KIAA0825: variants seen among roughly 807,000 people sequenced by gnomAD.
KIAA0825 encodes the protein KIAA0825.
KIAA0825 carries 119 observed loss-of-function variants against 147.6 expected under a neutral mutation model. The observed-to-expected ratio is 0.81, with a 90% CI of 0.69 to 0.94. KIAA0825 has a LOEUF of 0.94. Among genes scored for constraint, KIAA0825 ranks in the 40% least tolerant of loss-of-function variants. The probability of loss-of-function intolerance (pLI) is 0.00; values close to 1 mark genes in which losing one functional copy is unlikely to be tolerated. For synonymous variants in KIAA0825, 470 were observed against 518.1 expected (o/e 0.91, Z 1.26); for missense variants, 1,381 against 1,472.7 (o/e 0.94, Z 1.02).
intron 5 of KIAA0825, among the ~76,000 whole-genome samples, chr5:94,492,986 A>G (rs1763907611): frequency 1.3e-5 from 2 of 152,172 alleles, no homozygotes; most frequent in Non-Finnish European, 2.9e-5. Flanking sequence ...TGTGCATGTG[A>G]TCATCATCTT....
intron 20 of KIAA0825, among the ~76,000 whole-genome samples, chr5:94,365,723 A>C (rs571816057): frequency 6.6e-6 from 1 of 152,328 alleles, no homozygotes; most frequent in African/African-American, 2.4e-5. Context: ...TTTAGCTTTG[A>C]AACAAAGATG....
At chr5:94,604,572 CA>C (rs1787132352) in intron 1 of KIAA0825, among the ~76,000 whole-genome samples, 1 of 151,910 alleles carries the variant, frequency 6.6e-6, no homozygotes, top group African/African-American at 2.4e-5. Context: ...AACAAACAAA[CA>C]AACAAACAAA....
chr5:94,229,219 A>T (rs1164599604), intron 20 of KIAA0825, among the ~76,000 whole-genome samples: 1 of 152,180 alleles, frequency 6.6e-6, no homozygotes, highest in East Asian at 1.9e-4. Flanking sequence ...ATAAGAGGTA[A>T]ATATTTTGAA....
At chr5:94,427,566 C>T (rs1226288037) in intron 14 of KIAA0825, among the ~76,000 whole-genome samples, 1 of 152,108 alleles carries the variant, frequency 6.6e-6, no homozygotes, top group African/African-American at 2.4e-5. Context: ...CTTTATGGTA[C>T]TTATTATTAG....
chr5:94,313,889 C>A (rs964779035), intron 20 of KIAA0825, among the ~76,000 whole-genome samples: 1 of 151,586 alleles, frequency 6.6e-6, no homozygotes, highest in African/African-American at 2.4e-5. Flanking sequence ...CATTTCCTGA[C>A]AGCGCATTAT....
chr5:94,533,954 C>G (rs1771451709), intron 3 of KIAA0825, among the ~76,000 whole-genome samples: 1 of 151,976 alleles, frequency 6.6e-6, no homozygotes, highest in Non-Finnish European at 1.5e-5. Context: ...TTTGGGGAGG[C>G]AATAGACCCT....
chr5:94,529,997 A>G (rs893828875), intron 3 of KIAA0825, among the ~76,000 whole-genome samples: 2 of 152,150 alleles, frequency 1.3e-5, no homozygotes, highest in African/African-American at 4.8e-5. Context: ...CTAGCTGGGC[A>G]TGGTGGCTCA....
In KIAA0825 at chr5:94,152,903, T is replaced by TATATATATATATATAA. The variant is rs1386044229; in HGVS notation, c.*1103_*1104insTTATATATATATATAT. ...ATATATATATATATATATATATATATGGTTTCTCCCAGACGTTCTTAGACT... is the reference window on the plus strand; with the variant it reads ...ATATATATATATATATATATATATATATATATATATATATAAGGTTTCTCCCAGACGTTCTTAGACT... On this transcript the variant is annotated 3_prime_UTR_variant, in exon 21 of 21. Transcript: ENST00000682413. 20 of 20,244 alleles carry TATATATATATATATAA rather than the reference T, an allele frequency of 9.9e-4. 4 individuals are homozygous for TATATATATATATATAA. Among genetic ancestry groups the TATATATATATATATAA allele is most frequent in the Non-Finnish European group, 1.9e-3 (20 of 10,786 alleles). 1.3% of individuals were successfully genotyped at this position (20,244 alleles called of 1,614,324 possible).
chr5:94,475,616 T>C (rs1416291406), intron 7 of KIAA0825, among the ~76,000 whole-genome samples: 1 of 152,166 alleles, frequency 6.6e-6, no homozygotes, highest in Non-Finnish European at 1.5e-5. Context: ...GAGACCAGCC[T>C]GGCCAACATG....
chr5:94,288,836 G>C (rs542895938), intron 20 of KIAA0825, among the ~76,000 whole-genome samples: 1 of 152,264 alleles, frequency 6.6e-6, no homozygotes, highest in East Asian at 1.9e-4. Context: ...TGTTCTGACA[G>C]CCACCAGAGA....
intron 20 of KIAA0825, among the ~76,000 whole-genome samples, chr5:94,237,659 C>T (rs2150098226): frequency 6.6e-6 from 1 of 152,258 alleles, no homozygotes; most frequent in East Asian, 1.9e-4. Context: ...TGATGGACTC[C>T]ATATCTTGGA....
chr5:94,213,051 C>T (rs1477219027), intron 20 of KIAA0825, among the ~76,000 whole-genome samples: 1 of 152,060 alleles, frequency 6.6e-6, no homozygotes, highest in Non-Finnish European at 1.5e-5. Context: ...TAATATCATC[C>T]CCATTTCATA....
intron 16 of KIAA0825, among the ~76,000 whole-genome samples, chr5:94,397,227 GATGA>G (rs1199795243): frequency 6.6e-6 from 1 of 152,134 alleles, no homozygotes; most frequent in Non-Finnish European, 1.5e-5. Flanking sequence ...ATATTGGTTG[GATGA>G]ATGAGTCAGT....
At chr5:94,602,058 TCC>T (rs1786565072) in intron 1 of KIAA0825, among the ~76,000 whole-genome samples, 1 of 152,106 alleles carries the variant, frequency 6.6e-6, no homozygotes, top group African/African-American at 2.4e-5. Context: ...GCTAAGATAT[TCC>T]ATGAGAAGGC....
chr5:94,164,734 AG>A (rs1473444484), intron 20 of KIAA0825, among the ~76,000 whole-genome samples: 1 of 152,106 alleles, frequency 6.6e-6, no homozygotes, highest in African/African-American at 2.4e-5. Context: ...TTTTTAACAA[AG>A]GTTCTAAGAA....
intron 12 of KIAA0825, among the ~76,000 whole-genome samples, chr5:94,453,406 C>G (rs1030575629): frequency 1.4e-5 from 2 of 147,510 alleles, no homozygotes; most frequent in African/African-American, 5.0e-5. Context: ...AGGCTGGTCT[C>G]GAACCCCTGA....
chr5:94,216,225 A>G (rs1773183612), intron 20 of KIAA0825, among the ~76,000 whole-genome samples: 1 of 152,176 alleles, frequency 6.6e-6, no homozygotes, highest in South Asian at 2.1e-4. Flanking sequence ...GTTCTCTCCA[A>G]TTGGAGGGAG....
intron 20 of KIAA0825, among the ~76,000 whole-genome samples, chr5:94,358,684 T>A (rs948643835): frequency 2.6e-5 from 4 of 152,142 alleles, no homozygotes; most frequent in African/African-American, 9.7e-5. Flanking sequence ...TTCCAGCAAT[T>A]TCCATTTTCT....
At chr5:94,471,973 T>C (rs1761259648) in intron 8 of KIAA0825, among the ~76,000 whole-genome samples, 1 of 152,150 alleles carries the variant, frequency 6.6e-6, no homozygotes, top group African/African-American at 2.4e-5. Context: ...AGACAGACAT[T>C]AGGAAAAACT....
Sources: allele counts gnomAD v4.1 joint callset (sites outside exome capture counted in the v4.1 genomes callset), GRCh38; gene constraint gnomAD v4.1.1; transcripts MANE v1.5; gene names NCBI Gene and HGNC (gene_info 2026-07-23, HGNC 2026-07-21).